TMEM87A: variants seen among roughly 807,000 people sequenced by gnomAD.
The protein encoded by TMEM87A is transmembrane protein 87A.
In TMEM87A, 50 loss-of-function variants were observed where a neutral mutation model predicts 90.0. The ratio of observed to expected loss-of-function variants is 0.56; its 90% CI spans 0.44 to 0.70. TMEM87A has a LOEUF of 0.70. TMEM87A is among the 30% of genes least tolerant of loss of function. The pLI, the probability that TMEM87A is intolerant of heterozygous loss-of-function variation, is 0.00. For missense variants in TMEM87A, 577 were observed against 660.5 expected (o/e 0.87, Z 1.39); for synonymous variants, 226 against 226.7 (o/e 1.00, Z 0.03).
intron 15 of TMEM87A, among the ~76,000 whole-genome samples, chr15:42,221,358 T>C (rs2140918515): frequency 6.6e-6 from 1 of 151,890 alleles, no homozygotes; most frequent in Middle Eastern, 3.4e-3. Flanking sequence ...TCCTACATAT[T>C]TGGAAAAGCT....
upstream of TMEM87A, chr15:42,273,442 C>G: frequency 6.2e-7 from 1 of 1,609,474 alleles, no homozygotes; most frequent in Non-Finnish European, 8.5e-7. Context: ...TCACCCTCTT[C>G]CGGTTCGTCC....
intron 12 of TMEM87A, among the ~76,000 whole-genome samples, chr15:42,230,730 A>AT (rs2050672412): frequency 6.6e-6 from 1 of 152,242 alleles, no homozygotes; most frequent in South Asian, 2.1e-4. Flanking sequence ...CCTGCTGAAC[A>AT]TACAGAGTTT....
intron 12 of TMEM87A, among the ~76,000 whole-genome samples, chr15:42,230,938 A>G (rs1378566853): frequency 1.3e-5 from 2 of 152,224 alleles, no homozygotes; most frequent in South Asian, 4.1e-4. Flanking sequence ...CACTTAAAAG[A>G]AAAAAGCCAA....
chr15:42,268,123 C>A, intron 2 of TMEM87A, 91 bp from the exon 3 acceptor site: 1 of 961,204 alleles, frequency 1.0e-6, no homozygotes, highest in Non-Finnish European at 1.6e-6. Flanking sequence ...TCATTTCGTA[C>A]CCTAAACTGA....
In TMEM87A at chr15:42,226,638, A is replaced by C. The variant is rs1028190703; in HGVS notation, c.1403+168T>G. The C allele has an allele frequency of 9.7e-6, 6 of 619,900 alleles. No homozygotes were observed. In the African/African-American group the frequency reaches 1.1e-4, roughly 11 times the overall value. 38.4% of individuals were successfully genotyped at this position (619,900 alleles called of 1,614,324 possible). Reference sequence around the variant, plus strand: ...GAGGTGGAGAGGCTGCATGCCAAAAATCATGAAGTTAAGAGGAGAGCTGAG... The same window carrying C: ...GAGGTGGAGAGGCTGCATGCCAAAACTCATGAAGTTAAGAGGAGAGCTGAG... On this transcript the variant is annotated intron_variant, in intron 15 of 19. Coordinates refer to ENST00000389834, the MANE Select transcript of TMEM87A (RefSeq NM_015497.5).
intron 19 of TMEM87A, among the ~76,000 whole-genome samples, chr15:42,215,021 GA>G (rs1383931121): frequency 1.3e-5 from 2 of 152,198 alleles, no homozygotes; most frequent in African/African-American, 4.8e-5. Flanking sequence ...GAACTTCACA[GA>G]ATATACTTAC....
chr15:42,243,679 C>A (rs369573512), intron 7 of TMEM87A, among the ~76,000 whole-genome samples: 119 of 151,914 alleles, frequency 7.8e-4, no homozygotes, highest in African/African-American at 2.7e-3. Flanking sequence ...GCCACCACAC[C>A]GAGCTAATTT....
rs1210572634 is a variant in TMEM87A, at chr15:42,233,819, C to T, written c.969-513G>A. ...AGAAACAGGGTCTCACTCTATCGCC[C>T]ACGCTGAAGTGCAGTGGCCCAGTCA... On this transcript the variant is annotated intron_variant, in intron 10 of 19. Transcript: ENST00000389834. Among the ~76,000 whole-genome samples, 4 of 152,094 alleles carry T rather than the reference C, an allele frequency of 2.6e-5. No individual in the cohort carries two copies. In the East Asian group the frequency reaches 7.7e-4, roughly 29 times the overall value.
At chr15:42,252,096 G>A (rs1405758754) in intron 6 of TMEM87A, among the ~76,000 whole-genome samples, 1 of 152,238 alleles carries the variant, frequency 6.6e-6, no homozygotes, top group African/African-American at 2.4e-5. Flanking sequence ...TGCTAAGACT[G>A]TTGGAAAAAT....
At chr15:42,262,878 T>C (rs1742722414) in intron 4 of TMEM87A, among the ~76,000 whole-genome samples, 1 of 152,208 alleles carries the variant, frequency 6.6e-6, no homozygotes, top group African/African-American at 2.4e-5. Context: ...ATATAAAATT[T>C]TTCTATCAAA....
intron 1 of TMEM87A, chr15:42,272,889 A>G (rs747419556): frequency 4.2e-6 from 2 of 475,064 alleles, no homozygotes; most frequent in Non-Finnish European, 8.3e-6. Flanking sequence ...TCCTATTTAC[A>G]TATCTTTCTT....
At chr15:42,269,105 AC>A (rs1283377918) in intron 2 of TMEM87A, among the ~76,000 whole-genome samples, 2 of 152,224 alleles carry the variant, frequency 1.3e-5, no homozygotes, top group Non-Finnish European at 1.5e-5. Flanking sequence ...AGTTTGGAAC[AC>A]AGTATTCTAA....
chr15:42,254,898 G>GTT (rs2051148350), intron 6 of TMEM87A, among the ~76,000 whole-genome samples: 1 of 151,752 alleles, frequency 6.6e-6, no homozygotes, highest in Non-Finnish European at 1.5e-5. Context: ...GTGCCACAGT[G>GTT]GTGCAGTATG....
chr15:42,229,894 C>T (rs544828998), intron 12 of TMEM87A, among the ~76,000 whole-genome samples: 12 of 152,260 alleles, frequency 7.9e-5, no homozygotes, highest in African/African-American at 2.9e-4. Flanking sequence ...GGTGCGATCT[C>T]GGCTCACTGC....
intron 6 of TMEM87A, 75 bp from the exon 7 acceptor site, chr15:42,244,242 T>C: frequency 2.8e-6 from 3 of 1,078,484 alleles, no homozygotes; most frequent in Non-Finnish European, 4.0e-6. Context: ...AATATGCAAA[T>C]TTTGCTCCAG....
chr15:42,238,749 C>CTTT (rs374648537), intron 8 of TMEM87A, among the ~76,000 whole-genome samples: 4,252 of 119,516 alleles, frequency 0.036, 167 homozygotes, highest in African/African-American at 0.078. Flanking sequence ...GTGAGACTCT[C>CTTT]TTTTTTTTTT....
chr15:42,269,862 G>A (rs1285265880), intron 2 of TMEM87A, among the ~76,000 whole-genome samples: 2 of 141,370 alleles, frequency 1.4e-5, no homozygotes, highest in East Asian at 4.2e-4. Flanking sequence ...CGTGAACCTG[G>A]GAAGCGGAGC....
At chr15:42,246,697 C>T (rs970958190) in intron 6 of TMEM87A, among the ~76,000 whole-genome samples, 19 of 152,192 alleles carry the variant, frequency 1.2e-4, no homozygotes, top group Admixed American at 3.3e-4. Flanking sequence ...CTATCATTGA[C>T]GGACATTTGG....
At chr15:42,230,761 A>G (rs2050672903) in intron 12 of TMEM87A, among the ~76,000 whole-genome samples, 1 of 152,250 alleles carries the variant, frequency 6.6e-6, no homozygotes, top group Non-Finnish European at 1.5e-5. Flanking sequence ...AAAGCACCTT[A>G]CATAGTTCCT....
Sources: gnomAD v4.1 joint callset for allele counts (sites outside exome capture counted in the v4.1 genomes callset) on GRCh38, gnomAD v4.1.1 for gene constraint, MANE v1.5 for transcripts, NCBI Gene and HGNC (gene_info 2026-07-23, HGNC 2026-07-21) for gene names.